ZNHIT6: variants seen among roughly 807,000 people sequenced by gnomAD.
ZNHIT6 encodes the protein box C/D snoRNA protein 1.
In ZNHIT6, 45 loss-of-function variants were observed where a neutral mutation model predicts 57.2. The ratio of observed to expected loss-of-function variants is 0.79; its 90% CI spans 0.62 to 1.01. The LOEUF (loss-of-function observed/expected upper bound fraction) is 1.01, where lower values mean the gene tolerates loss of function less well. ZNHIT6 is among the 50% of genes least tolerant of loss of function. The pLI is 0.00. For missense variants in ZNHIT6, 528 were observed against 567.3 expected, an observed-to-expected ratio of 0.93 and a Z score of 0.70; for synonymous variants, 188 against 190.0, an observed-to-expected ratio of 0.99 and a Z score of 0.09.
intron 8 of ZNHIT6, among the ~76,000 whole-genome samples, chr1:85,675,000 T>G (rs1661660404): frequency 6.6e-6 from 1 of 152,192 alleles, no homozygotes; most frequent in African/African-American, 2.4e-5. Context: ...ATGTGTACTG[T>G]AAGTCCATGA....
chr1:85,675,043 A>C (rs1253195934), intron 8 of ZNHIT6, among the ~76,000 whole-genome samples: 2 of 152,172 alleles, frequency 1.3e-5, no homozygotes, highest in African/African-American at 4.8e-5. Context: ...TCTTTGTCCT[A>C]GCATACCAGG....
intron 5 of ZNHIT6, among the ~76,000 whole-genome samples, chr1:85,686,545 T>A (rs1009028852): frequency 1.1e-4 from 16 of 151,650 alleles, no homozygotes; most frequent in Admixed American, 3.3e-4. Flanking sequence ...CTTTTTTTTT[T>A]AATCACCAAT....
intron 5 of ZNHIT6, among the ~76,000 whole-genome samples, chr1:85,684,395 T>A (rs565279499): frequency 6.6e-6 from 1 of 152,190 alleles, no homozygotes; most frequent in Non-Finnish European, 1.5e-5. Flanking sequence ...GAGGGCAGCA[T>A]GGCCCCAAAG....
At chr1:85,672,472 C>G (rs766100740) in intron 8 of ZNHIT6, among the ~76,000 whole-genome samples, 1 of 152,180 alleles carries the variant, frequency 6.6e-6, no homozygotes, top group Non-Finnish European at 1.5e-5. Flanking sequence ...TTATGACATA[C>G]CATGCCCTTG....
chr1:85,690,619 T>G (rs187316458), intron 5 of ZNHIT6, among the ~76,000 whole-genome samples: 1 of 152,158 alleles, frequency 6.6e-6, no homozygotes, highest in Non-Finnish European at 1.5e-5. Flanking sequence ...TTTGCAGTCT[T>G]GTCTGCCCAC....
chr1:85,692,246 AG>A (rs1412373330), intron 5 of ZNHIT6, among the ~76,000 whole-genome samples: 6 of 151,954 alleles, frequency 3.9e-5, no homozygotes. Context: ...GACTGGGAAA[AG>A]GCTTCCTTAA....
intron 4 of ZNHIT6, among the ~76,000 whole-genome samples, chr1:85,703,070 G>A (rs1662581829): frequency 6.6e-6 from 1 of 152,152 alleles, no homozygotes. Flanking sequence ...ACTGTTTTAA[G>A]AAATTACATG....
Position 85,650,633 on chromosome 1 carries a change from G to A in ZNHIT6, c.*3425C>T, listed in dbSNP as rs1460124725. 2 of 152,202 alleles carry A rather than the reference G, an allele frequency of 1.3e-5. No homozygotes were observed. Among genetic ancestry groups the A allele is most frequent in the Non-Finnish European group, 2.9e-5 (2 of 68,042 alleles). 9.4% of individuals were successfully genotyped at this position (152,202 alleles called of 1,614,324 possible). A position where few individuals can be genotyped will look rare whatever the true frequency, so the allele number is the denominator to read the frequency against. On this transcript the variant is annotated 3_prime_UTR_variant, in exon 10 of 10. Coordinates refer to ENST00000370574, the MANE Select transcript of ZNHIT6 (RefSeq NM_017953.4). Reference sequence around the variant, plus strand: ...TGGCTCATGATTCTGGTGGCTGGAAGGCTCAAGATTGGGCAGCTGTATCTG... The same window carrying A: ...TGGCTCATGATTCTGGTGGCTGGAAAGCTCAAGATTGGGCAGCTGTATCTG...
chr1:85,701,824 G>A (rs1662537136), intron 5 of ZNHIT6, among the ~76,000 whole-genome samples: 1 of 152,076 alleles, frequency 6.6e-6, no homozygotes, highest in African/African-American at 2.4e-5. Context: ...TGTTAGAAAT[G>A]CCCAATATCA....
intron 5 of ZNHIT6, among the ~76,000 whole-genome samples, chr1:85,698,578 C>T (rs937540583): frequency 5.3e-5 from 8 of 152,144 alleles, no homozygotes; most frequent in African/African-American, 1.9e-4. Context: ...TTTTAAGCGA[C>T]ATCAACTTGA....
intron 5 of ZNHIT6, among the ~76,000 whole-genome samples, chr1:85,696,759 G>C (rs1012026834): frequency 7.1e-4 from 108 of 151,770 alleles, no homozygotes; most frequent in African/African-American, 2.6e-3. Flanking sequence ...AAAATGGCCT[G>C]GTTAATCCAT....
chr1:85,663,297 G>A (rs1204071263), intron 8 of ZNHIT6, among the ~76,000 whole-genome samples: 1 of 152,164 alleles, frequency 6.6e-6, no homozygotes, highest in African/African-American at 2.4e-5. Flanking sequence ...ACAGAGACTA[G>A]TTAGTAGAAA....
intron 5 of ZNHIT6, among the ~76,000 whole-genome samples, chr1:85,694,946 T>C (rs1221418347): frequency 2.0e-5 from 3 of 152,128 alleles, no homozygotes; most frequent in African/African-American, 7.2e-5. Flanking sequence ...TGTGCTTTTT[T>C]GGTATGTACT....
chr1:85,690,121 C>T (rs934122649), intron 5 of ZNHIT6, among the ~76,000 whole-genome samples: 1 of 152,060 alleles, frequency 6.6e-6, no homozygotes, highest in Admixed American at 6.6e-5. Flanking sequence ...TGGTGACCAG[C>T]CTGGGAACAT....
At chr1:85,678,803 A>AG in intron 6 of ZNHIT6, 22 bp from the exon 7 acceptor site, 2 of 1,315,326 alleles carry the variant, frequency 1.5e-6, no homozygotes, top group Non-Finnish European at 2.1e-6. Context: ...AGAAAAAAAA[A>AG]CAAGCTATAT....
rs1483812851 is a variant in ZNHIT6, at chr1:85,678,778, T to A, written c.1092A>T (p.Val364=). 1 of 1,526,814 alleles carries A rather than the reference T, an allele frequency of 6.5e-7. No homozygotes were observed. 94.6% of individuals were successfully genotyped at this position (1,526,814 alleles called of 1,614,324 possible). Residue 364 remains valine (V), a synonymous_variant, in exon 7 of 10, where the codon GTA becomes GTT. Coordinates refer to ENST00000370574, the MANE Select transcript of ZNHIT6 (RefSeq NM_017953.4). ...TTTCATTAATAGTTTTATCATCTGG[T>A]ACTCTTTACAACAAAGAAAAAAAAA... ...QSQAEYIEKR[V]PDDKTINEIL...
chr1:85,676,018 A>G (rs1005912420), intron 8 of ZNHIT6, among the ~76,000 whole-genome samples: 1 of 152,186 alleles, frequency 6.6e-6, no homozygotes, highest in Admixed American at 6.5e-5. Context: ...CCAGACCACT[A>G]AAACTTTCTC....
chr1:85,671,544 A>T (rs1460625866), intron 8 of ZNHIT6, among the ~76,000 whole-genome samples: 3 of 152,150 alleles, frequency 2.0e-5, no homozygotes, highest in African/African-American at 7.2e-5. Context: ...CGATACAGTT[A>T]ACTACTACCA....
intron 5 of ZNHIT6, among the ~76,000 whole-genome samples, chr1:85,693,279 G>T (rs977463125): frequency 6.6e-6 from 1 of 152,044 alleles, no homozygotes; most frequent in Non-Finnish European, 1.5e-5. Flanking sequence ...CAGATACTGG[G>T]ATTATTTACA....
Sources: allele counts gnomAD v4.1 joint callset (sites outside exome capture counted in the v4.1 genomes callset), GRCh38; gene constraint gnomAD v4.1.1; transcripts MANE v1.5; gene names NCBI Gene and HGNC (gene_info 2026-07-23, HGNC 2026-07-21).